Variants in AGAP1 observed in about 807,000 individuals in gnomAD.
AGAP1 encodes arf-GAP with GTPase, ANK repeat and PH domain-containing protein 1.
In AGAP1, 29 loss-of-function variants were observed where a neutral mutation model predicts 105.3. The ratio of observed to expected loss-of-function variants is 0.28; its 90% CI spans 0.21 to 0.38. The LOEUF is 0.38. Among genes scored for constraint, AGAP1 ranks in the 10% least tolerant of loss-of-function variants. The pLI, the probability that AGAP1 is intolerant of heterozygous loss-of-function variation, is 1.00. For synonymous variants in AGAP1, 509 were observed against 485.9 expected (o/e 1.05, Z -0.63); for missense variants, 998 against 1,165.1 (o/e 0.86, Z 2.09).
At chr2:235,759,459 G>A (rs372384559) in intron 6 of AGAP1, among the ~76,000 whole-genome samples, 153 of 151,938 alleles carry the variant, frequency 1.0e-3, no homozygotes, top group East Asian at 5.6e-3. Context: ...GTGAGCCACC[G>A]CGCCCGGCCC....
At chr2:236,077,059 A>G (rs971083888) in intron 16 of AGAP1, among the ~76,000 whole-genome samples, 1 of 150,008 alleles carries the variant, frequency 6.7e-6, no homozygotes, top group Non-Finnish European at 1.5e-5. Context: ...GCAGTAAGCT[A>G]TGATTGTGCC....
At chr2:235,878,820 G>A (rs61296042) in intron 9 of AGAP1, among the ~76,000 whole-genome samples, 5,078 of 152,250 alleles carry the variant, frequency 0.033, 219 homozygotes, top group African/African-American at 0.093. Flanking sequence ...GGGGTGCAGC[G>A]GGAAGATAAA....
chr2:235,844,001 T>C (rs1559553621), intron 9 of AGAP1, among the ~76,000 whole-genome samples: 3 of 152,108 alleles, frequency 2.0e-5, no homozygotes, highest in Non-Finnish European at 2.9e-5. Flanking sequence ...CTTGAACCTC[T>C]CCCTCTTGGA....
At chr2:235,533,567 G>A (rs1158971035) in intron 1 of AGAP1, among the ~76,000 whole-genome samples, 1 of 152,232 alleles carries the variant, frequency 6.6e-6, no homozygotes, top group East Asian at 1.9e-4. Flanking sequence ...TACTCTGGCT[G>A]AGATTAAACA....
At chr2:235,673,810 G>A (rs1229872107) in intron 1 of AGAP1, among the ~76,000 whole-genome samples, 3 of 152,158 alleles carry the variant, frequency 2.0e-5, no homozygotes, top group African/African-American at 7.2e-5. Flanking sequence ...ACCTCAGCTG[G>A]TACAGGTTTT....
chr2:236,041,250 C>G (rs2057541055), intron 15 of AGAP1, among the ~76,000 whole-genome samples: 1 of 141,234 alleles, frequency 7.1e-6, no homozygotes, highest in Non-Finnish European at 1.5e-5. Context: ...TTTGCTTAAT[C>G]AGTGATCACT....
At position 235,981,802 on chromosome 2, in the gene AGAP1, G is replaced by A. The variant is rs2125410271; in HGVS notation, c.1645+13179G>A. ...CATAGACGTAGAAAGCAGCGATAGG[G>A]CCACCGATCCAGGCGAGGGCAGCAG... On this transcript the variant is annotated intron_variant, in intron 13 of 17. Transcript: ENST00000304032. This position sits in a 1 kb window ranked among gnomAD's most constrained non-coding sequence, Gnocchi z 5.5. Among the ~76,000 whole-genome samples, 1 of 152,254 alleles carries A rather than the reference G, an allele frequency of 6.6e-6. No individual in the cohort carries two copies. Among genetic ancestry groups the A allele is most frequent in the East Asian group, 1.9e-4 (1 of 5,180 alleles).
intron 9 of AGAP1, among the ~76,000 whole-genome samples, chr2:235,856,934 A>C (rs2048710049): frequency 6.6e-6 from 1 of 152,226 alleles, no homozygotes; most frequent in Non-Finnish European, 1.5e-5. Flanking sequence ...TAGATGTGAG[A>C]CCAGTGCCTG....
chr2:235,518,442 G>A (rs1419253740), intron 1 of AGAP1, among the ~76,000 whole-genome samples: 1 of 152,204 alleles, frequency 6.6e-6, no homozygotes, highest in Admixed American at 6.5e-5. Context: ...CCTCTTCTGA[G>A]ACTTTTTGTG....
intron 16 of AGAP1, among the ~76,000 whole-genome samples, chr2:236,118,905 A>G (rs1166067178): frequency 6.6e-6 from 1 of 152,006 alleles, no homozygotes; most frequent in Non-Finnish European, 1.5e-5. Flanking sequence ...TTTTTTGAGA[A>G]ACCAGAAACC....
chr2:235,734,308 T>C lies in AGAP1; in HGVS notation c.311-6655T>C, dbSNP rs1952115161. On this transcript the variant is annotated intron_variant, in intron 3 of 17. Transcript: ENST00000304032. This position sits in a 1 kb window ranked among gnomAD's most constrained non-coding sequence, Gnocchi z 5.3. Reference sequence around the variant, plus strand: ...GGGACCCAGGACCTGCCAGCCATGCTCCTCCTGTCTTTCTCCCTTCCAGTC... The same window carrying C: ...GGGACCCAGGACCTGCCAGCCATGCCCCTCCTGTCTTTCTCCCTTCCAGTC... Among the ~76,000 whole-genome samples the C allele has an allele frequency of 6.6e-6, 1 of 152,172 alleles. No individual in the cohort carries two copies. The highest frequency in any genetic ancestry group is 2.4e-5 in the African/African-American group (1 of 41,440).
intron 1 of AGAP1, among the ~76,000 whole-genome samples, chr2:235,580,366 G>T (rs1180500357): frequency 1.3e-5 from 2 of 151,736 alleles, no homozygotes; most frequent in African/African-American, 2.4e-5. Flanking sequence ...CGTGCCGGCC[G>T]CTTACATTTT....
intron 13 of AGAP1, 51 bp downstream of exon 13, chr2:235,968,674 C>T (rs775100838): frequency 4.7e-5 from 74 of 1,570,408 alleles, no homozygotes; most frequent in Non-Finnish European, 6.3e-5. Flanking sequence ...GGAAAATTCT[C>T]TGTTATTTTT....
At chr2:236,118,387 CTT>C (rs529993131) in intron 16 of AGAP1, among the ~76,000 whole-genome samples, 22 of 116,248 alleles carry the variant, frequency 1.9e-4, no homozygotes, top group African/African-American at 5.5e-4. Flanking sequence ...TTTTCTTTTT[CTT>C]TTTTTTTTTT....
chr2:235,760,923 C>G (rs756590090), intron 6 of AGAP1, among the ~76,000 whole-genome samples: 3 of 152,178 alleles, frequency 2.0e-5, no homozygotes, highest in Admixed American at 6.5e-5. Context: ...CTCAGTCTAT[C>G]GCTTGATTTG....
chr2:235,529,441 C>G (rs962925691), intron 1 of AGAP1, among the ~76,000 whole-genome samples: 2 of 152,192 alleles, frequency 1.3e-5, no homozygotes, highest in African/African-American at 4.8e-5. Context: ...CCAGGGGTGC[C>G]TGATCTTAGA....
intron 9 of AGAP1, among the ~76,000 whole-genome samples, chr2:235,828,468 G>C (rs748953085): frequency 7.9e-5 from 12 of 152,176 alleles, no homozygotes; most frequent in Non-Finnish European, 1.3e-4. Flanking sequence ...ACTCAGCCTG[G>C]GAGTGGTAAA....
intron 11 of AGAP1, among the ~76,000 whole-genome samples, chr2:235,924,008 C>A (rs13397981): frequency 0.073 from 11,028 of 152,106 alleles, 1,391 homozygotes; most frequent in African/African-American, 0.25. Flanking sequence ...AATAAGAGCA[C>A]GTAAGCAAGC....
intron 16 of AGAP1, among the ~76,000 whole-genome samples, chr2:236,099,298 C>G (rs901097825): frequency 7.3e-5 from 11 of 151,612 alleles, no homozygotes; most frequent in Admixed American, 2.6e-4. Context: ...TAAAAAAATA[C>G]AAAAAAATTA....
Sources: allele counts gnomAD v4.1 joint callset (sites outside exome capture counted in the v4.1 genomes callset), GRCh38; gene constraint gnomAD v4.1.1; non-coding constraint Gnocchi (gnomAD v3.1); transcripts MANE v1.5; gene names NCBI Gene and HGNC (gene_info 2026-07-23, HGNC 2026-07-21).